Variants in UNC13C observed in about 807,000 individuals in gnomAD.
UNC13C encodes unc-13 homolog C.
UNC13C carries 174 observed loss-of-function variants against 245.4 expected under a neutral mutation model. That is an observed-to-expected ratio of 0.71 (90% confidence interval 0.63 to 0.80). The LOEUF (loss-of-function observed/expected upper bound fraction) is 0.80. Among genes scored for constraint, UNC13C ranks in the 30% least tolerant of loss-of-function variants. The pLI, the probability that UNC13C is intolerant of heterozygous loss-of-function variation, is 0.00. For synonymous variants in UNC13C, 992 were observed against 895.1 expected (o/e 1.11, Z -1.93); for missense variants, 2,829 against 2,602.9 (o/e 1.09, Z -1.89).
At chr15:54,385,280 T>A (rs2039813017) in intron 17 of UNC13C, among the ~76,000 whole-genome samples, 1 of 152,118 alleles carries the variant, frequency 6.6e-6, no homozygotes. Context: ...TATGGAAAGA[T>A]ATGAAATCAA....
At chr15:54,177,138 G>A (rs1396202308) in intron 4 of UNC13C, among the ~76,000 whole-genome samples, 1 of 152,098 alleles carries the variant, frequency 6.6e-6, no homozygotes, top group African/African-American at 2.4e-5. Context: ...GTATCAAACA[G>A]CAGGGACATA....
the UNC13C span, among the ~76,000 whole-genome samples, chr15:53,846,715 T>C: frequency 3.9e-5 from 6 of 152,228 alleles, no homozygotes; most frequent in African/African-American, 1.4e-4. Context: ...TTGTACTATA[T>C]AGAAGAGATA....
chr15:54,198,894 A>C lies in UNC13C; in HGVS notation c.3072-36136A>C, dbSNP rs923680242. 3.9e-4 allele frequency among the ~76,000 whole-genome samples: 60 copies of C among 152,134 alleles called. 1 individual carries two copies. The highest frequency in any genetic ancestry group is 1.3e-4 in the Admixed American group (2 of 15,262). On this transcript the variant is annotated intron_variant, in intron 4 of 32. Transcript: ENST00000260323. ...TGAATTGCCAGAAAAAGAATTCAGA[A>C]GGTTAATTGTGAAGAGAAAGGTGAA... is the stretch of plus-strand genomic sequence containing the variant.
chr15:54,019,082 T>C (rs1342768055), intron 2 of UNC13C, among the ~76,000 whole-genome samples: 1 of 152,204 alleles, frequency 6.6e-6, no homozygotes. Context: ...TGTTTACCTG[T>C]TTTTCATTCT....
chr15:54,122,555 A>G (rs1212449340), intron 2 of UNC13C, among the ~76,000 whole-genome samples: 1 of 151,954 alleles, frequency 6.6e-6, no homozygotes, highest in Non-Finnish European at 1.5e-5. Flanking sequence ...TACCGTACGA[A>G]TCCTTGTAGC....
intron 19 of UNC13C, among the ~76,000 whole-genome samples, chr15:54,440,517 A>G (rs1035378325): frequency 6.6e-6 from 1 of 151,992 alleles, no homozygotes; most frequent in African/African-American, 2.4e-5. Flanking sequence ...GTAGTATTCC[A>G]TTGTGTATAA....
chr15:54,453,369 G>A (rs1891291091), intron 19 of UNC13C, among the ~76,000 whole-genome samples: 1 of 152,068 alleles, frequency 6.6e-6, no homozygotes, highest in African/African-American at 2.4e-5. Context: ...GAATCCTGAT[G>A]TTCTCTCTTA....
intron 30 of UNC13C, among the ~76,000 whole-genome samples, chr15:54,619,227 C>G (rs924991958): frequency 7.9e-5 from 12 of 151,718 alleles, no homozygotes; most frequent in African/African-American, 2.9e-4. Context: ...CTGTATCTTT[C>G]TCCTCACTTA....
chr15:53,949,101 TTATAA>T, the UNC13C span, among the ~76,000 whole-genome samples: 3 of 152,306 alleles, frequency 2.0e-5, no homozygotes, highest in Non-Finnish European at 2.9e-5. Context: ...AGATAAGCAA[TTATAA>T]TATAATACAT....
At chr15:54,294,282 C>T (rs1326523540) in intron 11 of UNC13C, among the ~76,000 whole-genome samples, 2 of 151,992 alleles carry the variant, frequency 1.3e-5, no homozygotes, top group Non-Finnish European at 2.9e-5. Flanking sequence ...AAATCCCTTT[C>T]CAAGAACTAC....
At chr15:54,401,650 G>T (rs1188276760) in intron 18 of UNC13C, among the ~76,000 whole-genome samples, 1 of 152,150 alleles carries the variant, frequency 6.6e-6, no homozygotes, top group African/African-American at 2.4e-5. Flanking sequence ...TGAGTGGAGG[G>T]AAAGGATACT....
Position 54,347,305 on chromosome 15 carries a change from C to G in UNC13C, c.4713+8816C>G, listed in dbSNP as rs1250300602. ...ATTAACTGATTTTACAGTCTCCCTC[C>G]ACACCTACCCTGAGATCAAAACTTG... On this transcript the variant is annotated intron_variant, in intron 17 of 32. Transcript: ENST00000260323. Among the ~76,000 whole-genome samples the G allele has an allele frequency of 4.6e-5, 7 of 152,264 alleles. No homozygotes were observed. In the East Asian group the frequency reaches 1.4e-3, roughly 29 times the overall value.
intron 30 of UNC13C, among the ~76,000 whole-genome samples, chr15:54,598,274 T>C (rs1291672594): frequency 2.6e-5 from 4 of 152,212 alleles, no homozygotes; most frequent in African/African-American, 9.6e-5. Flanking sequence ...TGTGTATTTT[T>C]AGTAGACACA....
At chr15:54,563,074 C>T (rs1897362782) in intron 29 of UNC13C, among the ~76,000 whole-genome samples, 1 of 151,978 alleles carries the variant, frequency 6.6e-6, no homozygotes, top group Admixed American at 6.6e-5. Flanking sequence ...CTATTCTGTA[C>T]TTTGTGGTAA....
chr15:54,576,396 T>C (rs890339859), intron 30 of UNC13C, among the ~76,000 whole-genome samples: 2 of 152,194 alleles, frequency 1.3e-5, no homozygotes, highest in Non-Finnish European at 2.9e-5. Context: ...CATGTTAGTA[T>C]CACTGAATCT....
At chr15:54,182,522 C>G (rs2033836928) in intron 4 of UNC13C, among the ~76,000 whole-genome samples, 2 of 152,014 alleles carry the variant, frequency 1.3e-5, no homozygotes, top group African/African-American at 4.8e-5. Context: ...ATGCTGGCTT[C>G]ATAGAATGAG....
At chr15:53,904,955 G>GT in the UNC13C span, among the ~76,000 whole-genome samples, 124 of 152,226 alleles carry the variant, frequency 8.1e-4, 1 homozygote, top group African/African-American at 2.9e-3. Flanking sequence ...TGTTGGATAT[G>GT]TTTTTTAAAT....
intron 4 of UNC13C, among the ~76,000 whole-genome samples, chr15:54,200,883 A>T (rs998805001): frequency 6.6e-6 from 1 of 152,018 alleles, no homozygotes; most frequent in African/African-American, 2.4e-5. Context: ...ATGAAACAAA[A>T]AGTTTGTTCT....
chr15:54,563,793 T>C (rs1897392001), intron 29 of UNC13C, among the ~76,000 whole-genome samples: 1 of 152,004 alleles, frequency 6.6e-6, no homozygotes, highest in South Asian at 2.1e-4. Flanking sequence ...ATTTATATCC[T>C]TCAAACCCAA....
Sources: gnomAD v4.1 joint callset for allele counts (sites outside exome capture counted in the v4.1 genomes callset) on GRCh38, gnomAD v4.1.1 for gene constraint, MANE v1.5 for transcripts, NCBI Gene and HGNC (gene_info 2026-07-23, HGNC 2026-07-21) for gene names.